Variants in THSD7B observed in about 807,000 individuals in gnomAD.
THSD7B encodes thrombospondin type 1 domain containing 7B, also known as thrombospondin type-1 domain-containing protein 7B.
A neutral mutation model predicts 213.6 loss-of-function variants in THSD7B; 138 were observed. The ratio of observed to expected loss-of-function variants is 0.65; its 90% CI spans 0.56 to 0.74. The LOEUF (loss-of-function observed/expected upper bound fraction) is 0.74. Ranked by LOEUF, THSD7B falls within the 30% of genes least tolerant of loss-of-function variation. The pLI, the probability that THSD7B is intolerant of heterozygous loss-of-function variation, is 0.00. For missense variants in THSD7B, 1,931 were observed against 1,991.5 expected (o/e 0.97, Z 0.58); for synonymous variants, 742 against 687.0 (o/e 1.08, Z -1.25).
intron 1 of THSD7B, among the ~76,000 whole-genome samples, chr2:136,817,890 G>A (rs1157780961): frequency 4.5e-4 from 67 of 150,302 alleles, no homozygotes; most frequent in Middle Eastern, 3.4e-3. Flanking sequence ...TAAAAAGTCA[G>A]GAAACAACAG....
intron 15 of THSD7B, among the ~76,000 whole-genome samples, chr2:137,509,021 G>T (rs922027228): frequency 1.3e-5 from 2 of 152,150 alleles, no homozygotes; most frequent in Non-Finnish European, 2.9e-5. Context: ...ACCATGGGCA[G>T]GTTGACACTA....
At chr2:137,647,733 G>C (rs1196455707) in intron 21 of THSD7B, among the ~76,000 whole-genome samples, 1 of 152,090 alleles carries the variant, frequency 6.6e-6, no homozygotes, top group Non-Finnish European at 1.5e-5. Flanking sequence ...TGCTCTTCAT[G>C]AATGGTACTG....
chr2:137,546,460 TATAATATATATATATATA>T (rs1246288254), intron 15 of THSD7B, among the ~76,000 whole-genome samples: 16 of 22,532 alleles, frequency 7.1e-4, no homozygotes, highest in South Asian at 6.2e-3. Context: ...ATATATTATA[TATAATATATATATATATA>T]ATATATATAT....
At chr2:137,103,518 A>G (rs574069085) in intron 4 of THSD7B, among the ~76,000 whole-genome samples, 2 of 152,310 alleles carry the variant, frequency 1.3e-5, no homozygotes, top group East Asian at 1.9e-4. Context: ...GACAGGATCA[A>G]ATTCATACAT....
intron 12 of THSD7B, among the ~76,000 whole-genome samples, chr2:137,372,323 CTTTTTTTTTTTTT>C (rs55635315): frequency 0.077 from 4,460 of 57,768 alleles, 314 homozygotes; most frequent in African/African-American, 0.22. Flanking sequence ...TGATAATACT[CTTTTTTTTTTTTT>C]TTTTTTTTTT....
intron 21 of THSD7B, among the ~76,000 whole-genome samples, chr2:137,648,749 G>T (rs1249592420): frequency 1.3e-5 from 2 of 152,070 alleles, no homozygotes; most frequent in Non-Finnish European, 2.9e-5. Context: ...ATATAAATGT[G>T]TGTGTGTGTG....
chr2:137,645,130 A>G lies in THSD7B; in HGVS notation c.3945+2497A>G, dbSNP rs140586801. ...TCCAAACATCTGTTTTCTTTTTTAT[A>G]TAGTGGGGATAGCAGTAGTACCTAT... is the stretch of plus-strand genomic sequence containing the variant. On this transcript the variant is annotated intron_variant, in intron 21 of 27. Coordinates refer to ENST00000409968, the MANE Select transcript of THSD7B (RefSeq NM_001316349.2). Among the ~76,000 whole-genome samples, 140 of 152,236 alleles carry G rather than the reference A, an allele frequency of 9.2e-4. 3 individuals carry two copies. The highest frequency in any genetic ancestry group is 4.6e-4 in the Admixed American group (7 of 15,288).
chr2:136,895,198 C>A (rs530825464), intron 2 of THSD7B, among the ~76,000 whole-genome samples: 77 of 152,226 alleles, frequency 5.1e-4, no homozygotes, highest in African/African-American at 1.8e-3. Context: ...ATAGGCCTTA[C>A]AATAGCCCTG....
At chr2:137,629,191 A>G (rs1391920902) in intron 20 of THSD7B, among the ~76,000 whole-genome samples, 1 of 152,188 alleles carries the variant, frequency 6.6e-6, no homozygotes, top group African/African-American at 2.4e-5. Context: ...AAGGCAGCCA[A>G]TCCCAAGAAA....
chr2:136,968,015 A>G (rs756555498), intron 2 of THSD7B, among the ~76,000 whole-genome samples: 8 of 152,130 alleles, frequency 5.3e-5, no homozygotes, highest in Non-Finnish European at 1.0e-4. Flanking sequence ...TATTCATTCT[A>G]TTATTAATGG....
At chr2:137,069,857 A>G (rs1687447961) in intron 3 of THSD7B, among the ~76,000 whole-genome samples, 1 of 150,550 alleles carries the variant, frequency 6.6e-6, no homozygotes, top group African/African-American at 2.4e-5. Context: ...TATAAAATAT[A>G]TAACTATACA....
At chr2:137,581,690 G>A (rs1159006925) in intron 17 of THSD7B, among the ~76,000 whole-genome samples, 1 of 149,828 alleles carries the variant, frequency 6.7e-6, no homozygotes, top group African/African-American at 2.4e-5. Flanking sequence ...AACCCGGGAG[G>A]CGGAGCTTGC....
At chr2:137,125,447 C>T (rs1688615284) in intron 5 of THSD7B, among the ~76,000 whole-genome samples, 1 of 152,218 alleles carries the variant, frequency 6.6e-6, no homozygotes, top group Admixed American at 6.5e-5. Flanking sequence ...ATTCATCATC[C>T]ATTCAAGTTC....
chr2:136,990,238 G>T (rs2104814969), intron 2 of THSD7B, among the ~76,000 whole-genome samples: 1 of 152,322 alleles, frequency 6.6e-6, no homozygotes, highest in African/African-American at 2.4e-5. Flanking sequence ...CTAATGTCCT[G>T]CCTAGTTTAT....
At position 137,426,354 on chromosome 2, in the gene THSD7B, A is replaced by G. The variant is rs183053961; in HGVS notation, c.2959+14482A>G. Among the ~76,000 whole-genome samples the G allele has an allele frequency of 5.5e-4, 83 of 152,270 alleles. 2 individuals carry two copies. The highest frequency in any genetic ancestry group is 5.2e-3 in the Admixed American group (80 of 15,298). ...TCCTACAATTCATATGGAACCACAA[A>G]AGACCTTGAATAGGTAAAGTAATAT... On this transcript the variant is annotated intron_variant, in intron 14 of 27. Coordinates refer to ENST00000409968, the MANE Select transcript of THSD7B (RefSeq NM_001316349.2).
chr2:137,284,986 T>A (rs923536125), intron 12 of THSD7B, among the ~76,000 whole-genome samples: 5 of 152,108 alleles, frequency 3.3e-5, no homozygotes, highest in African/African-American at 1.2e-4. Context: ...ATCTGTCTAA[T>A]GTTGACAGTG....
At position 137,632,190 on chromosome 2, in the gene THSD7B, C is replaced by A. The variant is rs747730317; in HGVS notation, c.3800-10298C>A. Among the ~76,000 whole-genome samples, 10 of 151,974 alleles carry A rather than the reference C, an allele frequency of 6.6e-5. No homozygotes were observed. In the South Asian group the frequency reaches 1.0e-3, roughly 16 times the overall value. ...CATGGCCCTGGGTTGCATGCTATATCACTATAAAAATTATTATAATTTATA... is the reference window on the plus strand; with the variant it reads ...CATGGCCCTGGGTTGCATGCTATATAACTATAAAAATTATTATAATTTATA... On this transcript the variant is annotated intron_variant, in intron 20 of 27. Coordinates refer to ENST00000409968, the MANE Select transcript of THSD7B (RefSeq NM_001316349.2).
intron 2 of THSD7B, among the ~76,000 whole-genome samples, chr2:136,889,328 T>A (rs1283734070): frequency 6.6e-6 from 1 of 152,214 alleles, no homozygotes; most frequent in East Asian, 1.9e-4. Flanking sequence ...ATTCTGATAT[T>A]CACCTTCATA....
At chr2:136,850,658 T>C (rs1196194420) in intron 1 of THSD7B, among the ~76,000 whole-genome samples, 2 of 152,032 alleles carry the variant, frequency 1.3e-5, no homozygotes, top group African/African-American at 4.8e-5. Flanking sequence ...TATGGGACTT[T>C]TTTTCCATTT....
Sources: gnomAD v4.1 joint callset for allele counts (sites outside exome capture counted in the v4.1 genomes callset) on GRCh38, gnomAD v4.1.1 for gene constraint, MANE v1.5 for transcripts, NCBI Gene and HGNC (gene_info 2026-07-23, HGNC 2026-07-21) for gene names.